Variants in ZFYVE28 observed in about 807,000 individuals in gnomAD.
The protein encoded by ZFYVE28 is zinc finger FYVE-type containing 28.
Under a neutral mutation model 82.1 loss-of-function variants are expected in ZFYVE28, and 40 were observed. The ratio of observed to expected loss-of-function variants is 0.49; its 90% CI spans 0.38 to 0.63. The LOEUF (loss-of-function observed/expected upper bound fraction) is 0.63, where lower values mean the gene tolerates loss of function less well. Ranked by LOEUF, ZFYVE28 falls within the 30% of genes least tolerant of loss-of-function variation. ZFYVE28 has a pLI of 0.00. For synonymous variants in ZFYVE28, 612 were observed against 546.1 expected, an observed-to-expected ratio of 1.12 and a Z score of -1.68; for missense variants, 1,321 against 1,242.1, an observed-to-expected ratio of 1.06 and a Z score of -0.96.
Position 2,283,466 on chromosome 4 carries a change from T to C in ZFYVE28, c.2052-9250A>G, listed in dbSNP as rs1207728886. Among the ~76,000 whole-genome samples the C allele has an allele frequency of 2.5e-5, 3 of 119,722 alleles. No individual in the cohort carries two copies. The East Asian group carries it at 8.7e-4, about 35-fold the overall frequency. 78.5% of individuals were successfully genotyped at this position (119,722 alleles called of 152,430 possible). On this transcript the variant is annotated intron_variant, in intron 8 of 12. Transcript: ENST00000290974. ...ATCCATCCACCCATCCACCCACCCA[T>C]CCATCCACCCATCCACTCATTCATT...
chr4:2,389,473 T>C (rs532083248), intron 1 of ZFYVE28, among the ~76,000 whole-genome samples: 7 of 152,292 alleles, frequency 4.6e-5, no homozygotes, highest in African/African-American at 1.7e-4. Flanking sequence ...CATGGTCTCC[T>C]ATGGCCCAAC....
chr4:2,306,058 T>G (rs1333092611), intron 7 of ZFYVE28, among the ~76,000 whole-genome samples: 2 of 152,178 alleles, frequency 1.3e-5, no homozygotes, highest in African/African-American at 4.8e-5. Context: ...AAACAATGAC[T>G]GAACTACAAT....
chr4:2,357,866 C>T (rs1451064170), intron 1 of ZFYVE28, among the ~76,000 whole-genome samples: 1 of 152,212 alleles, frequency 6.6e-6, no homozygotes, highest in Non-Finnish European at 1.5e-5. Context: ...TCTGCCCTGG[C>T]ACCAAAAACC....
At chr4:2,286,445 T>G (rs934490924) in intron 8 of ZFYVE28, 4 of 152,226 alleles carry the variant, frequency 2.6e-5, no homozygotes, top group African/African-American at 9.7e-5. Flanking sequence ...CATCTCATAG[T>G]CTCTTCTCAA....
chr4:2,330,952 A>G (rs1385607918), intron 6 of ZFYVE28: 2 of 1,534,012 alleles, frequency 1.3e-6, no homozygotes, highest in African/African-American at 2.8e-5. Context: ...ACACAGGTGG[A>G]TGGGTGAGGG....
At chr4:2,333,096 G>A (rs1358652304) in intron 6 of ZFYVE28, among the ~76,000 whole-genome samples, 3 of 150,892 alleles carry the variant, frequency 2.0e-5, no homozygotes, top group African/African-American at 7.3e-5. Context: ...GGGACCCCAC[G>A]CCAGTGCCTC....
intron 8 of ZFYVE28, among the ~76,000 whole-genome samples, chr4:2,278,028 T>A (rs1736631338): frequency 6.6e-6 from 1 of 152,162 alleles, no homozygotes; most frequent in Non-Finnish European, 1.5e-5. Context: ...CATATGCTTA[T>A]GGGCAGTGGA....
chr4:2,299,002 G>A (rs1376648092), intron 8 of ZFYVE28, among the ~76,000 whole-genome samples: 11 of 152,336 alleles, frequency 7.2e-5, no homozygotes, highest in Admixed American at 5.2e-4. Context: ...CAACCAGAAA[G>A]GCAGAGGAAC....
At chr4:2,348,665 C>CA (rs1254335408) in intron 2 of ZFYVE28, among the ~76,000 whole-genome samples, 1 of 152,134 alleles carries the variant, frequency 6.6e-6, no homozygotes, top group Non-Finnish European at 1.5e-5. Flanking sequence ...CTTCCTGGAC[C>CA]AAATAAGGCA....
intron 8 of ZFYVE28, among the ~76,000 whole-genome samples, chr4:2,301,971 A>AGC (rs1422468411): frequency 2.6e-5 from 4 of 152,198 alleles, no homozygotes; most frequent in Admixed American, 1.3e-4. Flanking sequence ...AGCCCAAGCC[A>AGC]GCACTTGGGC....
At chr4:2,358,359 T>C (rs982042126) in intron 1 of ZFYVE28, among the ~76,000 whole-genome samples, 4 of 152,342 alleles carry the variant, frequency 2.6e-5, no homozygotes, top group Admixed American at 2.6e-4. Context: ...GTGACATGCC[T>C]GTCTACTTGG....
intron 1 of ZFYVE28, among the ~76,000 whole-genome samples, chr4:2,379,761 C>A (rs1286457650): frequency 1.3e-5 from 2 of 152,090 alleles, no homozygotes; most frequent in African/African-American, 4.8e-5. Context: ...ATTTATAAAT[C>A]TATAAATGGG....
At chr4:2,389,191 C>T (rs1729571778) in intron 1 of ZFYVE28, among the ~76,000 whole-genome samples, 1 of 152,216 alleles carries the variant, frequency 6.6e-6, no homozygotes, top group Non-Finnish European at 1.5e-5. Context: ...ACCCCACTCA[C>T]ACCCATGGCC....
rs1400342213 is a variant in ZFYVE28, at chr4:2,394,390, G to A, written c.39+23895C>T. 1.3e-5 allele frequency among the ~76,000 whole-genome samples: 2 copies of A among 152,060 alleles called. No homozygotes were observed. Among genetic ancestry groups the A allele is most frequent in the East Asian group, 1.9e-4 (1 of 5,176 alleles). On this transcript the variant is annotated intron_variant, in intron 1 of 12. Coordinates refer to ENST00000290974, the MANE Select transcript of ZFYVE28 (RefSeq NM_020972.3). This position sits in a 1 kb window ranked among gnomAD's most constrained non-coding sequence, Gnocchi z 4.0. Reference sequence around the variant, plus strand: ...CCAGCAGCCACGTATGCGATCCCACGGCCACACCTGCTCCAATGCCTGGAC... The same window carrying A: ...CCAGCAGCCACGTATGCGATCCCACAGCCACACCTGCTCCAATGCCTGGAC...
intron 1 of ZFYVE28, among the ~76,000 whole-genome samples, chr4:2,367,469 A>G (rs1727010958): frequency 6.6e-6 from 1 of 152,218 alleles, no homozygotes; most frequent in Admixed American, 6.5e-5. Flanking sequence ...AGTCCGGTCA[A>G]CTCCTAGGAT....
rs1349300848 is a variant in ZFYVE28 at position 2,418,330 on chromosome 4, G to C, written c.-7C>G. The C allele has an allele frequency of 1.3e-6, 2 of 1,507,122 alleles. No individual in the cohort carries two copies. Among genetic ancestry groups the C allele is most frequent in the Non-Finnish European group, 1.8e-6 (2 of 1,125,576 alleles). The allele number at this position is 1,507,122 out of a possible 1,614,324, so 93.4% of individuals were successfully genotyped here. ...TTCGGAACCTGTTCATCATCGCCGC[G>C]CCGGCCCTGGCCGGACTCCGGGCGG... On this transcript the variant is annotated 5_prime_UTR_variant, in exon 1 of 13. Coordinates refer to ENST00000290974, the MANE Select transcript of ZFYVE28 (RefSeq NM_020972.3). This position sits in a 1 kb window ranked among gnomAD's most constrained non-coding sequence, Gnocchi z 4.6.
chr4:2,347,277 G>A (rs986511065), intron 2 of ZFYVE28, among the ~76,000 whole-genome samples: 1 of 152,164 alleles, frequency 6.6e-6, no homozygotes, highest in African/African-American at 2.4e-5. Flanking sequence ...CCTTCAAGCG[G>A]CATGAAGTAA....
intron 1 of ZFYVE28, among the ~76,000 whole-genome samples, chr4:2,390,853 G>GTTCA (rs1269819333): frequency 6.6e-6 from 1 of 152,250 alleles, no homozygotes; most frequent in African/African-American, 2.4e-5. Context: ...TGTGGCCAGG[G>GTTCA]TTCACCCTGC....
chr4:2,273,531 C>T (rs973219086), intron 9 of ZFYVE28, among the ~76,000 whole-genome samples: 5 of 152,328 alleles, frequency 3.3e-5, no homozygotes, highest in African/African-American at 9.6e-5. Context: ...CCGCCACAGT[C>T]GGTCTGCCGC....
Sources: allele counts gnomAD v4.1 joint callset (sites outside exome capture counted in the v4.1 genomes callset), GRCh38; gene constraint gnomAD v4.1.1; non-coding constraint Gnocchi (gnomAD v3.1); transcripts MANE v1.5; gene names NCBI Gene and HGNC (gene_info 2026-07-23, HGNC 2026-07-21).